The following ZFHX4 variants were observed in gnomAD, a reference collection of about 807,000 sequenced individuals.
ZFHX4 encodes zinc finger homeobox 4, also known as zinc finger homeobox protein 4.
A neutral mutation model predicts 267.6 loss-of-function variants in ZFHX4; 56 were observed. The ratio of observed to expected loss-of-function variants is 0.21; its 90% CI spans 0.17 to 0.26. The LOEUF is 0.26. ZFHX4 is among the 10% of genes least tolerant of loss of function. The pLI is 1.00. For missense variants in ZFHX4, 4,332 were observed against 4,420.0 expected (o/e 0.98, Z 0.56); for synonymous variants, 1,778 against 1,665.6 (o/e 1.07, Z -1.64).
intron 3 of ZFHX4, among the ~76,000 whole-genome samples, chr8:76,729,986 G>A (rs1192999206): frequency 4.6e-5 from 7 of 152,290 alleles, no homozygotes; most frequent in Middle Eastern, 3.4e-3. Flanking sequence ...AGATCCTTCC[G>A]TGTAACTGGG....
rs187943053 is a variant in ZFHX4, at chr8:76,862,822, A to G, written c.9380-272A>G. On this transcript the variant is annotated intron_variant, in intron 10 of 10. Transcript: ENST00000651372. Reference sequence around the variant, plus strand: ...TTTGTTATTCATCTTTCATAGCATGAGAGCCTGTTTTCTGAGTAAAATGTT... The same window carrying G: ...TTTGTTATTCATCTTTCATAGCATGGGAGCCTGTTTTCTGAGTAAAATGTT... 2.7e-3 allele frequency among the ~76,000 whole-genome samples: 412 copies of G among 152,258 alleles called. 1 individual carries two copies. The highest frequency in any genetic ancestry group is 4.4e-3 in the Non-Finnish European group (302 of 68,028).
chr8:76,838,620 C>CA (rs1812152721), intron 5 of ZFHX4, among the ~76,000 whole-genome samples: 1 of 152,130 alleles, frequency 6.6e-6, no homozygotes, highest in African/African-American at 2.4e-5. Flanking sequence ...CAGAGATACT[C>CA]AATATGTTAA....
At chr8:76,778,131 C>T in intron 3 of ZFHX4, 77 bp from the exon 4 acceptor site, 1 of 924,246 alleles carries the variant, frequency 1.1e-6, no homozygotes, top group Non-Finnish European at 1.8e-6. Flanking sequence ...TTTATCATGC[C>T]ATGGGTGGGT....
chr8:76,794,749 A>C (rs1195882256), intron 4 of ZFHX4, among the ~76,000 whole-genome samples: 1 of 151,534 alleles, frequency 6.6e-6, no homozygotes, highest in Admixed American at 6.6e-5. Context: ...GATTTGTAGT[A>C]GTTTTATTTA....
In ZFHX4 at chr8:76,866,104, A is replaced by T. The variant is rs1813019460; in HGVS notation, c.*1539A>T. ...ACTTTTGTGTTTGATATAGTAAAAC[A>T]ATGTGATTCATTCCAAAGTAACAGA... On this transcript the variant is annotated 3_prime_UTR_variant, in exon 11 of 11. Coordinates refer to ENST00000651372, the MANE Select transcript of ZFHX4 (RefSeq NM_024721.5). 1 of 152,678 alleles carries T rather than the reference A, an allele frequency of 6.5e-6. No individual in the cohort carries two copies. Among genetic ancestry groups the T allele is most frequent in the South Asian group, 2.1e-4 (1 of 4,834 alleles). 9.5% of individuals were successfully genotyped at this position (152,678 alleles called of 1,614,324 possible).
Position 76,854,251 on chromosome 8 carries a change from G to T in ZFHX4, c.7330G>T (p.Ala2444Ser). 6.4e-7 allele frequency: 1 copy of T among 1,572,578 alleles called. No individual in the cohort carries two copies. Among genetic ancestry groups the T allele is most frequent in the Non-Finnish European group, 8.6e-7 (1 of 1,159,194 alleles). Reference sequence around the variant, plus strand: ...CTCGGACCCACCACAGGCATCCACAGCCCAGCCACAGCCACAGCCACAGCC... The same window carrying T: ...CTCGGACCCACCACAGGCATCCACATCCCAGCCACAGCCACAGCCACAGCC... ...TSSDPPQASTAQPQPQPQPPK... is the reference protein window; with the variant it reads ...TSSDPPQASTSQPQPQPQPPK... Residue 2444 changes from alanine to serine, a missense_variant, in exon 10 of 11, where the codon GCC becomes TCC. Ala to Ser is a moderately conservative substitution (Grantham distance 99). This residue lies in a region of ZFHX4 where 1,648 missense variants were observed against 1,625.0 expected (regional missense o/e 1.01). Coordinates refer to ENST00000651372, the MANE Select transcript of ZFHX4 (RefSeq NM_024721.5).
intron 10 of ZFHX4, among the ~76,000 whole-genome samples, chr8:76,858,342 C>G (rs1026707336): frequency 4.6e-5 from 7 of 152,208 alleles, no homozygotes; most frequent in Non-Finnish European, 8.8e-5. Context: ...TGGAGGCAGT[C>G]ACACCACGGA....
At chr8:76,832,393 G>A (rs1367120207) in intron 4 of ZFHX4, among the ~76,000 whole-genome samples, 8 of 152,026 alleles carry the variant, frequency 5.3e-5, no homozygotes, top group South Asian at 2.1e-4. Flanking sequence ...GAGGTTTAGC[G>A]AGGCTAAGTA....
At chr8:76,850,000 C>A in intron 8 of ZFHX4, 1 of 569,462 alleles carries the variant, frequency 1.8e-6, no homozygotes, top group Non-Finnish European at 3.1e-6. Context: ...TTCAAACTTG[C>A]TTCATTATCA....
intron 5 of ZFHX4, among the ~76,000 whole-genome samples, chr8:76,837,963 C>T (rs1812135726): frequency 6.6e-6 from 1 of 152,114 alleles, no homozygotes; most frequent in African/African-American, 2.4e-5. Context: ...TAAGCTTGTG[C>T]TCACCAATTT....
At chr8:76,833,819 G>A (rs542965205) in intron 5 of ZFHX4, among the ~76,000 whole-genome samples, 5 of 152,124 alleles carry the variant, frequency 3.3e-5, no homozygotes, top group Middle Eastern at 3.4e-3. Context: ...ATAGTGACAT[G>A]GATCCATCGT....
At chr8:76,832,855 G>A (rs988216972) in intron 4 of ZFHX4, among the ~76,000 whole-genome samples, 13 of 152,180 alleles carry the variant, frequency 8.5e-5, no homozygotes, top group African/African-American at 2.9e-4. Context: ...ATTTGCTGAT[G>A]ACTTGGACTT....
chr8:76,821,929 A>T (rs886491315), intron 4 of ZFHX4, among the ~76,000 whole-genome samples: 2 of 151,678 alleles, frequency 1.3e-5, no homozygotes, highest in African/African-American at 4.8e-5. Context: ...CAAAAACTTA[A>T]ACTACCATTA....
intron 3 of ZFHX4, among the ~76,000 whole-genome samples, chr8:76,766,177 A>G (rs1459137529): frequency 6.6e-6 from 1 of 152,158 alleles, no homozygotes; most frequent in East Asian, 1.9e-4. Flanking sequence ...CTTGAAAAAA[A>G]AGATAAAAAA....
intron 3 of ZFHX4, among the ~76,000 whole-genome samples, chr8:76,740,878 T>G (rs759137374): frequency 6.6e-6 from 1 of 152,104 alleles, no homozygotes; most frequent in African/African-American, 2.4e-5. Flanking sequence ...GTGTGTGAAG[T>G]TTTTACAGGA....
chr8:76,798,710 T>G (rs749568564), intron 4 of ZFHX4, among the ~76,000 whole-genome samples: 3 of 152,212 alleles, frequency 2.0e-5, no homozygotes, highest in South Asian at 2.1e-4. Flanking sequence ...GGAAAGGAAT[T>G]AAAAATACAT....
In ZFHX4 at chr8:76,854,215, G is replaced by A. The variant is rs199528099; in HGVS notation, c.7294G>A (p.Ala2432Thr). ...SQGTKPALPLASTSSDPPQAS... is the reference protein window; with the variant it reads ...SQGTKPALPLTSTSSDPPQAS... Reference sequence around the variant, plus strand: ...AGGCACCAAACCAGCCCTGCCATTAGCATCGACTTCCTCGGACCCACCACA... The same window carrying A: ...AGGCACCAAACCAGCCCTGCCATTAACATCGACTTCCTCGGACCCACCACA... The change falls in exon 10 of 11, where the codon GCA becomes ACA. Residue 2432 changes from alanine to threonine, a missense_variant. Around this residue, in one of 7 missense-constraint regions of ZFHX4, gnomAD observed 1,648 missense variants for 1,625.0 expected, o/e 1.01. Coordinates refer to ENST00000651372, the MANE Select transcript of ZFHX4 (RefSeq NM_024721.5). 3.5e-5 allele frequency: 55 copies of A among 1,567,628 alleles called. No individual in the cohort carries two copies. The African/African-American group carries it at 7.3e-4, about 21-fold the overall frequency.
Position 76,778,312 on chromosome 8 carries a change from C to T in ZFHX4, c.3198C>T (p.Val1066=). Residue 1066 remains valine, a synonymous_variant, in exon 4 of 11, where the codon GTC becomes GTT. Coordinates refer to ENST00000651372, the MANE Select transcript of ZFHX4 (RefSeq NM_024721.5). Reference sequence around the variant, plus strand: ...TCAAGTTGAATCTGGTACAACATGTCCGTTCGGTGAAGCATCAGCAGACTG... The same window carrying T: ...TCAAGTTGAATCTGGTACAACATGTTCGTTCGGTGAAGCATCAGCAGACTG... The part of the protein sequence containing the change: ...TKVKLNLVQH[V]RSVKHQQTEG... 6.2e-7 allele frequency: 1 copy of T among 1,613,836 alleles called. No individual in the cohort carries two copies. The highest frequency in any genetic ancestry group is 8.5e-7 in the Non-Finnish European group (1 of 1,179,798).
At chr8:76,796,812 G>A (rs1025871090) in intron 4 of ZFHX4, among the ~76,000 whole-genome samples, 1 of 152,104 alleles carries the variant, frequency 6.6e-6, no homozygotes. Flanking sequence ...GGAAAATACA[G>A]GCTGTTTTAC....
Sources: allele counts gnomAD v4.1 joint callset (sites outside exome capture counted in the v4.1 genomes callset), GRCh38; gene constraint gnomAD v4.1.1; regional missense constraint gnomAD v4.1.1; transcripts MANE v1.5; gene names NCBI Gene and HGNC (gene_info 2026-07-23, HGNC 2026-07-21).